Variants in HPCAL1 observed in about 807,000 individuals in gnomAD.
HPCAL1 encodes hippocalcin like 1.
HPCAL1 carries 8 observed loss-of-function variants against 17.1 expected under a neutral mutation model. That is an observed-to-expected ratio of 0.47 (90% CI 0.27 to 0.84). The LOEUF is 0.84. Ranked by LOEUF, HPCAL1 falls within the 40% of genes least tolerant of loss-of-function variation. The pLI, the probability that HPCAL1 is intolerant of heterozygous loss-of-function variation, is 0.13. For missense variants in HPCAL1, 165 were observed against 271.1 expected (o/e 0.61, Z 2.75); for synonymous variants, 112 against 111.4 (o/e 1.01, Z -0.03).
rs1427886399 is a variant in HPCAL1, at chr2:10,304,786, GA to G, written c.-111+1616del. Among the ~76,000 whole-genome samples the G allele has an allele frequency of 2.0e-5, 3 of 152,148 alleles. No individual in the cohort carries two copies. The highest frequency in any genetic ancestry group is 6.5e-5 in the Admixed American group (1 of 15,280). ...ATCGCCTTGGTGTCTTTCTCTGGGG[GA>G]AAAAAATCGCCTTTAACCAAGGGAG... On this transcript the variant is annotated intron_variant, in intron 1 of 4. Coordinates refer to ENST00000307845, the MANE Select transcript of HPCAL1 (RefSeq NM_002149.4). The surrounding 1 kb of genome is among the most constrained non-coding windows in gnomAD (Gnocchi z 4.1).
At chr2:10,412,003 C>T (rs1001453230) in intron 2 of HPCAL1, among the ~76,000 whole-genome samples, 3 of 152,150 alleles carry the variant, frequency 2.0e-5, no homozygotes, top group Non-Finnish European at 4.4e-5. Context: ...TACCTGACCG[C>T]TGAGTCGCAG....
In HPCAL1 at chr2:10,422,831, G is replaced by A. The variant is rs551874269; in HGVS notation, c.379-152G>A. 46 of 612,620 alleles carry A rather than the reference G, an allele frequency of 7.5e-5. 2 individuals carry two copies. The South Asian group carries it at 8.6e-4, about 11-fold the overall frequency. The allele number at this position is 612,620 out of a possible 1,614,324, so 37.9% of individuals were successfully genotyped here. A position where few individuals can be genotyped will look rare whatever the true frequency, so the allele number is the denominator to read the frequency against. On this transcript the variant is annotated intron_variant, in intron 3 of 4. Transcript: ENST00000307845. ...CATAGACACCCGTGAGGTTCACTAG[G>A]GAACATTCTCCCCACTGGGGAAGGG...
rs1215746334 is a variant in HPCAL1, at chr2:10,391,785, G to A, written c.-110-5050G>A. The stretch of plus-strand genomic sequence containing the variant: ...TGTTTTTGTGACAGAGTCTCGCTCT[G>A]TTGCCCAGGCTGGAGTGCAGTGGCA... On this transcript the variant is annotated intron_variant, in intron 1 of 4. Coordinates refer to ENST00000307845, the MANE Select transcript of HPCAL1 (RefSeq NM_002149.4). Among the ~76,000 whole-genome samples the A allele has an allele frequency of 2.0e-5, 3 of 152,336 alleles. No individual in the cohort carries two copies. The East Asian group carries it at 5.8e-4, about 29-fold the overall frequency.
In HPCAL1 at chr2:10,323,169, G is replaced by T. The variant is rs757704951; in HGVS notation, c.-111+19992G>T. 6.6e-6 allele frequency among the ~76,000 whole-genome samples: 1 copy of T among 152,152 alleles called. No homozygotes were observed. Among genetic ancestry groups the T allele is most frequent in the South Asian group, 2.1e-4 (1 of 4,816 alleles). On this transcript the variant is annotated intron_variant, in intron 1 of 4. Transcript: ENST00000307845. The surrounding 1 kb of genome is among the most constrained non-coding windows in gnomAD (Gnocchi z 4.6). ...CACAACTCTCTGACCTGGCTCCCCCGGTTCCCCAGACGCGTTCCCCACGGA... is the reference window on the plus strand; with the variant it reads ...CACAACTCTCTGACCTGGCTCCCCCTGTTCCCCAGACGCGTTCCCCACGGA...
In HPCAL1 at chr2:10,343,916, G is replaced by A. The variant is rs1665246112; in HGVS notation, c.-111+40739G>A. Among the ~76,000 whole-genome samples the A allele has an allele frequency of 6.6e-6, 1 of 152,138 alleles. No individual in the cohort carries two copies. Among genetic ancestry groups the A allele is most frequent in the African/African-American group, 2.4e-5 (1 of 41,436 alleles). ...AGCAAGCAGTTCTGGAGTGAGGCTTGGGCCTCCATGCCTCCTGGGAGGCTG... is the reference window on the plus strand; with the variant it reads ...AGCAAGCAGTTCTGGAGTGAGGCTTAGGCCTCCATGCCTCCTGGGAGGCTG... On this transcript the variant is annotated intron_variant, in intron 1 of 4. Coordinates refer to ENST00000307845, the MANE Select transcript of HPCAL1 (RefSeq NM_002149.4). This position sits in a 1 kb window ranked among gnomAD's most constrained non-coding sequence, Gnocchi z 4.8.
chr2:10,388,629 G>T (rs1668481752), intron 1 of HPCAL1, among the ~76,000 whole-genome samples: 1 of 152,152 alleles, frequency 6.6e-6, no homozygotes, highest in South Asian at 2.1e-4. Context: ...TATTTTTGTA[G>T]CACTCTCTGG....
chr2:10,353,093 G>T (rs1262897931), intron 1 of HPCAL1, among the ~76,000 whole-genome samples: 2 of 152,190 alleles, frequency 1.3e-5, no homozygotes, highest in Admixed American at 1.3e-4. Flanking sequence ...GCAGGCAGTC[G>T]TGCCGATGCA....
In HPCAL1 at chr2:10,344,444, A is replaced by G. The variant is rs573874917; in HGVS notation, c.-111+41267A>G. Among the ~76,000 whole-genome samples the G allele has an allele frequency of 7.9e-5, 12 of 152,232 alleles. No individual in the cohort carries two copies. The highest frequency in any genetic ancestry group is 1.8e-4 in the Non-Finnish European group (12 of 68,040). ...GAACCAGTGCACATCTGTTAAGCGC[A>G]TGCACCAAGCGGCGATTCCATAGTT... On this transcript the variant is annotated intron_variant, in intron 1 of 4. Transcript: ENST00000307845. The surrounding 1 kb of genome is among the most constrained non-coding windows in gnomAD (Gnocchi z 4.9).
intron 2 of HPCAL1, among the ~76,000 whole-genome samples, chr2:10,401,175 C>A (rs191619598): frequency 6.6e-6 from 1 of 152,128 alleles, no homozygotes; most frequent in East Asian, 1.9e-4. Context: ...GGCTCCTCCC[C>A]ACCCATGTCA....
At chr2:10,372,922 C>G (rs969333466) in intron 1 of HPCAL1, among the ~76,000 whole-genome samples, 5 of 152,246 alleles carry the variant, frequency 3.3e-5, no homozygotes, top group African/African-American at 9.6e-5. Flanking sequence ...AGCCCCTCTT[C>G]TGGCCTCCAT....
chr2:10,305,306 G>GA (rs1662553489), intron 1 of HPCAL1, among the ~76,000 whole-genome samples: 1 of 151,876 alleles, frequency 6.6e-6, no homozygotes, highest in Admixed American at 6.5e-5. Context: ...TTTTGTTTTT[G>GA]TTTTTTTCTA....
rs1483657779 is a variant in HPCAL1 at position 10,365,284 on chromosome 2, G to A, written c.-110-31551G>A. ...GGACAGCTGGGATCTTGATCATCCAGTGGGTGCCCTCACTGTGCACCTGCC... is the reference window on the plus strand; with the variant it reads ...GGACAGCTGGGATCTTGATCATCCAATGGGTGCCCTCACTGTGCACCTGCC... On this transcript the variant is annotated intron_variant, in intron 1 of 4. Coordinates refer to ENST00000307845, the MANE Select transcript of HPCAL1 (RefSeq NM_002149.4). This position sits in a 1 kb window ranked among gnomAD's most constrained non-coding sequence, Gnocchi z 4.8. 3.9e-5 allele frequency among the ~76,000 whole-genome samples: 6 copies of A among 152,234 alleles called. No individual in the cohort carries two copies. In the East Asian group the frequency reaches 1.2e-3, roughly 29 times the overall value.
intron 1 of HPCAL1, among the ~76,000 whole-genome samples, chr2:10,312,772 C>G (rs1010854412): frequency 1.3e-5 from 2 of 152,038 alleles, no homozygotes; most frequent in Admixed American, 6.6e-5. Flanking sequence ...TCATCACCAT[C>G]ATCGTCATTA....
At chr2:10,347,859 G>A (rs374704054) in intron 1 of HPCAL1, among the ~76,000 whole-genome samples, 15 of 152,184 alleles carry the variant, frequency 9.9e-5, no homozygotes, top group South Asian at 8.3e-4. Context: ...TTAGCAAACT[G>A]TGTCTCAAAC....
At chr2:10,325,458 C>T (rs917495520) in intron 1 of HPCAL1, among the ~76,000 whole-genome samples, 6 of 152,206 alleles carry the variant, frequency 3.9e-5, no homozygotes, top group African/African-American at 1.2e-4. Context: ...GCAGTGCCAG[C>T]GTTGGTGGGG....
intron 1 of HPCAL1, among the ~76,000 whole-genome samples, chr2:10,327,423 T>A (rs1312447102): frequency 2.0e-5 from 3 of 152,208 alleles, no homozygotes; most frequent in Non-Finnish European, 2.9e-5. Flanking sequence ...AGACTCTGGT[T>A]CTTTGCTTCC....
intron 4 of HPCAL1, chr2:10,424,229 G>T (rs56215312): frequency 0.25 from 79,781 of 324,596 alleles, 10,809 homozygotes; most frequent in Non-Finnish European, 0.29. Flanking sequence ...GACGGGATGT[G>T]GGGGAGCTGT....
intron 1 of HPCAL1, among the ~76,000 whole-genome samples, chr2:10,308,149 A>C (rs1558446173): frequency 1.3e-5 from 2 of 151,966 alleles, no homozygotes; most frequent in Non-Finnish European, 2.9e-5. Context: ...GATACCTGGG[A>C]GAGTTGGGGG....
chr2:10,364,393 A>C (rs1315293137), intron 1 of HPCAL1, among the ~76,000 whole-genome samples: 1 of 152,046 alleles, frequency 6.6e-6, no homozygotes, highest in Non-Finnish European at 1.5e-5. Flanking sequence ...GACTGCCGAC[A>C]TCAGGGAAGG....
Sources: gnomAD v4.1 joint callset for allele counts (sites outside exome capture counted in the v4.1 genomes callset) on GRCh38, gnomAD v4.1.1 for gene constraint, Gnocchi (gnomAD v3.1) non-coding constraint, MANE v1.5 for transcripts, NCBI Gene and HGNC (gene_info 2026-07-23, HGNC 2026-07-21) for gene names.